Variants in EYS observed in about 807,000 individuals in gnomAD.
The protein encoded by EYS is protein eyes shut homolog.
In EYS, 250 loss-of-function variants were observed where a neutral mutation model predicts 282.1. The ratio of observed to expected loss-of-function variants is 0.89; its 90% confidence interval spans 0.80 to 0.98. The LOEUF is 0.98. Among genes scored for constraint, EYS ranks in the 50% least tolerant of loss-of-function variants. EYS has a pLI of 0.00. For synonymous variants in EYS, 1,355 were observed against 1,282.9 expected (o/e 1.06, Z -1.20); for missense variants, 4,016 against 3,709.0 (o/e 1.08, Z -2.15).
At chr6:64,232,717 A>G (rs191738969) in intron 30 of EYS, among the ~76,000 whole-genome samples, 2 of 152,336 alleles carry the variant, frequency 1.3e-5, no homozygotes, top group African/African-American at 4.8e-5. Context: ...AAGAAGAACA[A>G]TAGCAGTGAA....
chr6:65,549,081 G>A (rs923888979), intron 2 of EYS, among the ~76,000 whole-genome samples: 2 of 152,156 alleles, frequency 1.3e-5, no homozygotes, highest in Non-Finnish European at 2.9e-5. Context: ...AGGAGGCAAA[G>A]CTCAGGCAGT....
At chr6:65,399,266 T>C (rs1227638795) in intron 7 of EYS, among the ~76,000 whole-genome samples, 1 of 152,052 alleles carries the variant, frequency 6.6e-6, no homozygotes, top group Admixed American at 6.6e-5. Flanking sequence ...GCAGAAGAGT[T>C]TTACTTAGAG....
chr6:65,592,345 T>C (rs1765260602), intron 2 of EYS, among the ~76,000 whole-genome samples: 1 of 151,730 alleles, frequency 6.6e-6, no homozygotes, highest in African/African-American at 2.4e-5. Context: ...GTTAGATATT[T>C]ACAAATTATG....
chr6:63,979,874 G>A (rs898017215), intron 35 of EYS, among the ~76,000 whole-genome samples: 1 of 151,888 alleles, frequency 6.6e-6, no homozygotes, highest in Non-Finnish European at 1.5e-5. Flanking sequence ...GTCCAGAAAC[G>A]TGTGATGGTA....
intron 19 of EYS, among the ~76,000 whole-genome samples, chr6:64,864,715 G>A (rs1011231724): frequency 6.6e-6 from 1 of 151,088 alleles, no homozygotes. Flanking sequence ...ACTCATCTGA[G>A]ATTGAGAATT....
At chr6:64,281,861 T>G (rs539697777) in intron 30 of EYS, among the ~76,000 whole-genome samples, 30 of 152,040 alleles carry the variant, frequency 2.0e-4, no homozygotes, top group Admixed American at 6.6e-5. Flanking sequence ...ATATAGAAAG[T>G]AAGAAGATTG....
chr6:63,836,227 C>A (rs1051972658), intron 36 of EYS, among the ~76,000 whole-genome samples: 1 of 151,954 alleles, frequency 6.6e-6, no homozygotes, highest in Non-Finnish European at 1.5e-5. Flanking sequence ...CATGGATGAA[C>A]TTTGAAAGTA....
intron 12 of EYS, among the ~76,000 whole-genome samples, chr6:65,121,394 CT>C (rs2150195997): frequency 6.6e-6 from 1 of 152,276 alleles, no homozygotes; most frequent in African/African-American, 2.4e-5. Context: ...ATCAGATTAT[CT>C]AAGTTTCCAG....
At position 64,523,307 on chromosome 6, in the gene EYS, C is replaced by T. The variant is rs569845104; in HGVS notation, c.5644+66916G>A. 1.3e-4 allele frequency among the ~76,000 whole-genome samples: 19 copies of T among 151,862 alleles called. No homozygotes were observed. In the South Asian group the frequency reaches 3.1e-3, roughly 25 times the overall value. ...ATTTATGTCGCCTTTCTTCTTCACA[C>T]TTTTTACCTGATTAAATCCCATTTT... On this transcript the variant is annotated intron_variant, in intron 26 of 42. Coordinates refer to ENST00000503581, the MANE Select transcript of EYS (RefSeq NM_001142800.2).
chr6:65,169,319 GC>G (rs1765049596), intron 12 of EYS, among the ~76,000 whole-genome samples: 1 of 151,480 alleles, frequency 6.6e-6, no homozygotes, highest in African/African-American at 2.4e-5. Context: ...TCACACCTAA[GC>G]TGTACATAAT....
intron 33 of EYS, among the ~76,000 whole-genome samples, chr6:64,053,864 G>A (rs931198193): frequency 7.2e-5 from 11 of 151,944 alleles, no homozygotes; most frequent in African/African-American, 2.7e-4. Context: ...CTAATTTCTT[G>A]TATGAGCATT....
chr6:65,469,617 C>T (rs1390003758), intron 5 of EYS, among the ~76,000 whole-genome samples: 1 of 151,972 alleles, frequency 6.6e-6, no homozygotes, highest in East Asian at 1.9e-4. Context: ...TTATTCTTCT[C>T]TGTATTTTTT....
chr6:64,751,811 T>C (rs756840343), intron 22 of EYS, among the ~76,000 whole-genome samples: 16 of 152,100 alleles, frequency 1.1e-4, no homozygotes, highest in Non-Finnish European at 2.1e-4. Context: ...TGGCAGCAAG[T>C]CTGCTCACAC....
At chr6:65,185,628 C>G (rs1011005493) in intron 12 of EYS, among the ~76,000 whole-genome samples, 5 of 151,722 alleles carry the variant, frequency 3.3e-5, no homozygotes, top group African/African-American at 9.7e-5. Flanking sequence ...TTCAAAGAAG[C>G]CATGAAGACT....
chr6:63,742,006 C>T, intron 41 of EYS: 1 of 701,348 alleles, frequency 1.4e-6, no homozygotes, highest in East Asian at 2.7e-5. Flanking sequence ...TCTTTTTTGT[C>T]TGCTGCTATT....
At chr6:65,681,602 T>A (rs995853238) in intron 1 of EYS, among the ~76,000 whole-genome samples, 4 of 152,020 alleles carry the variant, frequency 2.6e-5, no homozygotes, top group Middle Eastern at 3.4e-3. Context: ...ACAATGTGTT[T>A]TATGCTAGCA....
intron 2 of EYS, among the ~76,000 whole-genome samples, chr6:65,539,664 G>A (rs1765974372): frequency 6.6e-6 from 1 of 152,096 alleles, no homozygotes; most frequent in Non-Finnish European, 1.5e-5. Context: ...TAAAACAAAT[G>A]TTTGAAAGTA....
Position 64,048,739 on chromosome 6 carries a change from A to G in EYS, c.6725+17599T>C, listed in dbSNP as rs1582198798. Among the ~76,000 whole-genome samples the G allele has an allele frequency of 2.6e-5, 4 of 151,914 alleles. No individual in the cohort carries two copies. In the South Asian group the frequency reaches 8.4e-4, roughly 32 times the overall value. On this transcript the variant is annotated intron_variant, in intron 33 of 42. Transcript: ENST00000503581. ...ATGACTATATGACCACTCTTTTGGA[A>G]ATCTGGTTTCTGTTTCCTCTGATTG...
At chr6:64,305,006 T>C (rs1017287031) in intron 30 of EYS, among the ~76,000 whole-genome samples, 6 of 152,032 alleles carry the variant, frequency 3.9e-5, no homozygotes, top group East Asian at 1.9e-4. Flanking sequence ...AGAGATGACA[T>C]TGATGATAAC....
Sources: gnomAD v4.1 joint callset for allele counts (sites outside exome capture counted in the v4.1 genomes callset) on GRCh38, gnomAD v4.1.1 for gene constraint, MANE v1.5 for transcripts, NCBI Gene and HGNC (gene_info 2026-07-23, HGNC 2026-07-21) for gene names.